HERC1: variants seen among roughly 807,000 people sequenced by gnomAD.
HERC1 encodes the protein probable E3 ubiquitin-protein ligase HERC1.
Under a neutral mutation model 554.3 loss-of-function variants are expected in HERC1, and 160 were observed. The ratio of observed to expected loss-of-function variants is 0.29; its 90% CI spans 0.25 to 0.33. The LOEUF (loss-of-function observed/expected upper bound fraction) is 0.33. Ranked by LOEUF, HERC1 falls within the 10% of genes least tolerant of loss-of-function variation. The pLI is 1.00. For synonymous variants in HERC1, 2,175 were observed against 2,131.7 expected (o/e 1.02, Z -0.56); for missense variants, 4,919 against 5,918.5 (o/e 0.83, Z 5.54).
chr15:63,669,301 T>C (rs1266228138), intron 40 of HERC1, among the ~76,000 whole-genome samples: 2 of 152,170 alleles, frequency 1.3e-5, no homozygotes, highest in African/African-American at 4.8e-5. Context: ...ATGGCTATAT[T>C]GGGAAAAATG....
Position 63,664,550 on chromosome 15 carries a change from C to T in HERC1, c.8600G>A (p.Gly2867Glu). The T allele has an allele frequency of 6.2e-7, 1 of 1,613,468 alleles. No homozygotes were observed. The highest frequency in any genetic ancestry group is 1.1e-5 in the South Asian group (1 of 91,046). Residue 2867 changes from glycine (G) to glutamate (E), a missense_variant, in exon 43 of 78, where the codon GGA becomes GAA. This residue lies in a region of HERC1 where 1,963 missense variants were observed against 2,228.6 expected (regional missense o/e 0.88). Coordinates refer to ENST00000443617, the MANE Select transcript of HERC1 (RefSeq NM_003922.4). ...DHTENAASGS[G>E]PSARGRSAVT... ...CGCTGAGCGACCTCTAGCTGATGGTCCACTTCCAGAAGCTGCATTCTCTGT... is the reference window on the plus strand; with the variant it reads ...CGCTGAGCGACCTCTAGCTGATGGTTCACTTCCAGAAGCTGCATTCTCTGT...
intron 37 of HERC1, 158 bp from the exon 38 acceptor site, chr15:63,675,275 G>T (rs1353598188): frequency 9.0e-6 from 5 of 558,652 alleles, no homozygotes; most frequent in Non-Finnish European, 1.2e-5. Flanking sequence ...AGAGAAAAAC[G>T]AGTCTATTAT....
At chr15:63,720,869 A>G (rs949360915) in intron 19 of HERC1, among the ~76,000 whole-genome samples, 1 of 152,228 alleles carries the variant, frequency 6.6e-6, no homozygotes, top group Admixed American at 6.5e-5. Context: ...CTCCTATGCC[A>G]TTTTTAAAAT....
chr15:63,764,256 A>G (rs1018900464), intron 2 of HERC1, 65 bp from the exon 3 acceptor site: 2 of 1,093,882 alleles, frequency 1.8e-6, no homozygotes, highest in Non-Finnish European at 2.7e-6. Flanking sequence ...AAAATTAGTT[A>G]AACAGTCTAC....
chr15:63,663,349 C>A, intron 43 of HERC1, 145 bp from the exon 44 acceptor site: 1 of 670,774 alleles, frequency 1.5e-6, no homozygotes, highest in South Asian at 1.9e-5. Context: ...CAAATTATAC[C>A]TATCACGTGT....
At chr15:63,625,917 C>A in intron 71 of HERC1, 68 bp downstream of exon 71, 3 of 1,506,908 alleles carry the variant, frequency 2.0e-6, no homozygotes, top group Non-Finnish European at 2.7e-6. Flanking sequence ...TGGGGCCTGG[C>A]GAGCATGTCA....
intron 22 of HERC1, among the ~76,000 whole-genome samples, chr15:63,714,355 T>C (rs1371942854): frequency 6.6e-6 from 1 of 152,058 alleles, no homozygotes; most frequent in Non-Finnish European, 1.5e-5. Flanking sequence ...AAACAGAATT[T>C]AGTTTTAATA....
intron 64 of HERC1, among the ~76,000 whole-genome samples, chr15:63,636,673 A>G (rs927029846): frequency 2.6e-5 from 4 of 152,232 alleles, no homozygotes; most frequent in African/African-American, 9.6e-5. Context: ...GATGACAGCA[A>G]TAGTTACAGT....
intron 1 of HERC1, among the ~76,000 whole-genome samples, chr15:63,809,789 CA>C (rs34059646): frequency 0.37 from 49,697 of 136,078 alleles, 9,322 homozygotes; most frequent in African/African-American, 0.52. Context: ...TTTAGAATAG[CA>C]AAAAAAAAAA....
intron 14 of HERC1, among the ~76,000 whole-genome samples, chr15:63,732,159 C>G (rs986234997): frequency 6.6e-6 from 1 of 152,004 alleles, no homozygotes; most frequent in African/African-American, 2.4e-5. Flanking sequence ...AGCCGCCACG[C>G]CTGGCTAATT....
intron 73 of HERC1, among the ~76,000 whole-genome samples, chr15:63,623,148 GAA>G (rs2068159078): frequency 6.6e-6 from 1 of 152,204 alleles, no homozygotes; most frequent in Non-Finnish European, 1.5e-5. Context: ...TGGTGGCTGT[GAA>G]AAGAGTGTAG....
chr15:63,653,375 G>A (rs910718156), intron 51 of HERC1, among the ~76,000 whole-genome samples: 12 of 147,380 alleles, frequency 8.1e-5, no homozygotes, highest in East Asian at 2.0e-4. Flanking sequence ...CCCGGGAGGC[G>A]GGGACTACAG....
At chr15:63,830,910 T>G (rs1179870457) in intron 1 of HERC1, among the ~76,000 whole-genome samples, 1 of 152,188 alleles carries the variant, frequency 6.6e-6, no homozygotes, top group Non-Finnish European at 1.5e-5. Flanking sequence ...AACAACTACT[T>G]TATGCTCTTT....
Position 63,768,831 on chromosome 15 carries a change from C to T in HERC1, c.931-4640G>A, listed in dbSNP as rs575000245. On this transcript the variant is annotated intron_variant, in intron 2 of 77. Coordinates refer to ENST00000443617, the MANE Select transcript of HERC1 (RefSeq NM_003922.4). ...ATGCCCACAACATTTAGAGCTGTTA[C>T]ATAATTAACTGAAATTATGTGTAAA... Among the ~76,000 whole-genome samples the T allele has an allele frequency of 2.0e-5, 3 of 152,288 alleles. No homozygotes were observed. The East Asian group carries it at 5.8e-4, about 29-fold the overall frequency.
intron 17 of HERC1, among the ~76,000 whole-genome samples, chr15:63,726,762 A>G (rs1051447195): frequency 6.6e-6 from 1 of 152,240 alleles, no homozygotes; most frequent in Admixed American, 6.5e-5. Flanking sequence ...TCAGGAAGAG[A>G]TAACTCGTAT....
intron 18 of HERC1, among the ~76,000 whole-genome samples, chr15:63,723,957 T>C (rs1211274061): frequency 6.6e-5 from 10 of 152,210 alleles, no homozygotes; most frequent in Admixed American, 2.0e-4. Flanking sequence ...TAAGTGATGA[T>C]GAGGTTCTTG....
chr15:63,768,553 A>G (rs926367497), intron 2 of HERC1, among the ~76,000 whole-genome samples: 16 of 152,372 alleles, frequency 1.1e-4, no homozygotes, highest in East Asian at 5.8e-4. Flanking sequence ...AAAAATCGCA[A>G]TTGTGATCTG....
chr15:63,690,090 G>A (rs1020648057), intron 32 of HERC1, among the ~76,000 whole-genome samples: 19 of 150,884 alleles, frequency 1.3e-4, no homozygotes, highest in African/African-American at 4.6e-4. Context: ...TTGAACCCAG[G>A]AGGCGGAGGC....
chr15:63,723,110 A>T, intron 19 of HERC1, 72 bp downstream of exon 19: 2 of 938,912 alleles, frequency 2.1e-6, no homozygotes, highest in Non-Finnish European at 2.9e-6. Flanking sequence ...TTTCACTTAC[A>T]TATATTGCAT....
Sources: gnomAD v4.1 joint callset for allele counts (sites outside exome capture counted in the v4.1 genomes callset) on GRCh38, gnomAD v4.1.1 for gene constraint, gnomAD v4.1.1 regional missense constraint, MANE v1.5 for transcripts, NCBI Gene and HGNC (gene_info 2026-07-23, HGNC 2026-07-21) for gene names.